PTPRT: variants seen among roughly 807,000 people sequenced by gnomAD.
The protein encoded by PTPRT is protein tyrosine phosphatase receptor type T, also known as receptor-type tyrosine-protein phosphatase T.
Under a neutral mutation model 176.8 loss-of-function variants are expected in PTPRT, and 56 were observed. That is an observed-to-expected ratio of 0.32 (90% CI 0.26 to 0.40). The LOEUF is 0.40. Ranked by LOEUF, PTPRT falls within the 10% of genes least tolerant of loss-of-function variation. The pLI is 1.00. For missense variants in PTPRT, 1,540 were observed against 1,908.2 expected, an observed-to-expected ratio of 0.81 and a Z score of 3.60; for synonymous variants, 783 against 739.0, an observed-to-expected ratio of 1.06 and a Z score of -0.96.
At chr20:42,332,816 G>A (rs1487978652) in intron 11 of PTPRT, among the ~76,000 whole-genome samples, 1 of 152,108 alleles carries the variant, frequency 6.6e-6, no homozygotes. Context: ...TGATGAAATT[G>A]GTGGTGACAG....
intron 9 of PTPRT, among the ~76,000 whole-genome samples, chr20:42,430,611 T>C (rs1402166998): frequency 6.6e-6 from 1 of 152,192 alleles, no homozygotes; most frequent in Non-Finnish European, 1.5e-5. Flanking sequence ...GAAACCTGGC[T>C]GCGAGTCCTT....
At position 42,079,504 on chromosome 20, in the gene PTPRT, G is replaced by T; in HGVS notation, c.*1375C>A. The T allele has an allele frequency of 4.5e-6, 1 of 222,570 alleles. No homozygotes were observed. The highest frequency in any genetic ancestry group is 9.0e-6 in the Non-Finnish European group (1 of 111,320). 13.8% of individuals were successfully genotyped at this position (222,570 alleles called of 1,614,324 possible). A position where few individuals can be genotyped will look rare whatever the true frequency, so the allele number is the denominator to read the frequency against. ...AACAAGTCAGTAGCTCTCTCCTGGG[G>T]GTTCTAAGGACTGTGTGAAATGTCC... On this transcript the variant is annotated 3_prime_UTR_variant, in exon 31 of 31. Coordinates refer to ENST00000373187, the MANE Select transcript of PTPRT (RefSeq NM_007050.6).
chr20:42,396,142 C>G (rs13339900), intron 9 of PTPRT, among the ~76,000 whole-genome samples: 1 of 152,144 alleles, frequency 6.6e-6, no homozygotes, highest in Non-Finnish European at 1.5e-5. Context: ...TTCTCTGAAA[C>G]CTGCTCATTC....
chr20:42,264,551 G>A (rs1426281760), intron 13 of PTPRT, among the ~76,000 whole-genome samples: 1 of 152,154 alleles, frequency 6.6e-6, no homozygotes, highest in Admixed American at 6.5e-5. Context: ...ACCTGCCCTC[G>A]TGGCCTCCAG....
chr20:42,801,683 G>A (rs769916735), intron 2 of PTPRT, among the ~76,000 whole-genome samples: 7 of 152,150 alleles, frequency 4.6e-5, no homozygotes, highest in Non-Finnish European at 8.8e-5. Flanking sequence ...TGATTTGGGG[G>A]AAGAAGTATA....
At chr20:42,177,977 G>T (rs112279546) in intron 16 of PTPRT, among the ~76,000 whole-genome samples, 1 of 146,558 alleles carries the variant, frequency 6.8e-6, no homozygotes, top group African/African-American at 2.5e-5. Flanking sequence ...TAGCTCTTTC[G>T]CCCAGGCTAG....
At chr20:42,249,659 C>T (rs1472605477) in intron 13 of PTPRT, among the ~76,000 whole-genome samples, 1 of 152,218 alleles carries the variant, frequency 6.6e-6, no homozygotes, top group Non-Finnish European at 1.5e-5. Context: ...GCCAGAATTC[C>T]ACAGGTTTCC....
intron 8 of PTPRT, among the ~76,000 whole-genome samples, chr20:42,458,923 G>GT (rs2070969639): frequency 6.6e-6 from 1 of 152,152 alleles, no homozygotes; most frequent in South Asian, 2.1e-4. Context: ...TCTTGTCTCT[G>GT]TGGAATGCAT....
At chr20:43,008,120 G>T (rs1368620245) in intron 1 of PTPRT, among the ~76,000 whole-genome samples, 1 of 152,126 alleles carries the variant, frequency 6.6e-6, no homozygotes, top group African/African-American at 2.4e-5. Flanking sequence ...TAAATGTTTA[G>T]GTCCCCTCAA....
intron 1 of PTPRT, among the ~76,000 whole-genome samples, chr20:42,996,222 C>G (rs553906652): frequency 6.6e-6 from 1 of 152,252 alleles, no homozygotes; most frequent in South Asian, 2.1e-4. Context: ...CACATGTGAG[C>G]AACTTCTATA....
At chr20:42,349,715 G>A (rs959705775) in intron 11 of PTPRT, among the ~76,000 whole-genome samples, 1 of 152,208 alleles carries the variant, frequency 6.6e-6, no homozygotes, top group African/African-American at 2.4e-5. Flanking sequence ...CAATTTGAAA[G>A]TTGTTCCACT....
intron 15 of PTPRT, among the ~76,000 whole-genome samples, chr20:42,218,421 A>G (rs2055818649): frequency 6.6e-6 from 1 of 152,216 alleles, no homozygotes; most frequent in Admixed American, 6.5e-5. Context: ...CCTAATTTCT[A>G]AGTAGTAGCA....
chr20:42,378,187 GA>G, intron 9 of PTPRT, among the ~76,000 whole-genome samples: 2 of 152,334 alleles, frequency 1.3e-5, no homozygotes, highest in East Asian at 3.9e-4. Flanking sequence ...CAAGGAGAGG[GA>G]CCGTGATGGT....
At chr20:42,381,013 G>A (rs1234884237) in intron 9 of PTPRT, among the ~76,000 whole-genome samples, 2 of 152,052 alleles carry the variant, frequency 1.3e-5, no homozygotes, top group Admixed American at 6.5e-5. Context: ...GGGAGTAAGG[G>A]AGGGAGGTGC....
intron 2 of PTPRT, among the ~76,000 whole-genome samples, chr20:42,795,417 A>G (rs1247897497): frequency 2.0e-5 from 3 of 152,246 alleles, no homozygotes; most frequent in African/African-American, 7.2e-5. Context: ...TCCATAGCAG[A>G]TGGTGGCTAT....
chr20:42,572,759 T>C (rs1261679620), intron 7 of PTPRT, among the ~76,000 whole-genome samples: 2 of 152,176 alleles, frequency 1.3e-5, no homozygotes, highest in East Asian at 3.9e-4. Context: ...GCACAATCTC[T>C]ATGAACTTTC....
At chr20:42,885,477 C>G (rs6016914) in intron 2 of PTPRT, among the ~76,000 whole-genome samples, 5,490 of 151,784 alleles carry the variant, frequency 0.036, 242 homozygotes, top group African/African-American at 0.1. Flanking sequence ...GGAAGAAAAG[C>G]AGCGACCGTA....
intron 7 of PTPRT, among the ~76,000 whole-genome samples, chr20:42,527,067 C>T (rs2072286861): frequency 6.6e-6 from 1 of 150,736 alleles, no homozygotes; most frequent in Non-Finnish European, 1.5e-5. Context: ...GGGTTCACGC[C>T]ATTCTCCTGC....
intron 1 of PTPRT, among the ~76,000 whole-genome samples, chr20:42,887,084 T>A (rs553257778): frequency 6.6e-6 from 1 of 152,274 alleles, no homozygotes; most frequent in African/African-American, 2.4e-5. Context: ...CACATCACCA[T>A]CCTCCTCCTT....
Sources: gnomAD v4.1 joint callset for allele counts (sites outside exome capture counted in the v4.1 genomes callset) on GRCh38, gnomAD v4.1.1 for gene constraint, MANE v1.5 for transcripts, NCBI Gene and HGNC (gene_info 2026-07-23, HGNC 2026-07-21) for gene names.